Variants in SLC66A2 observed in about 807,000 individuals in gnomAD.
The protein encoded by SLC66A2 is solute carrier family 66 member 2, also known as PQ loop repeat containing 1.
Under a neutral mutation model 25.5 loss-of-function variants are expected in SLC66A2, and 23 were observed. The observed-to-expected ratio is 0.90, with a 90% CI of 0.65 to 1.28. The LOEUF (loss-of-function observed/expected upper bound fraction) is 1.28, where lower values mean the gene tolerates loss of function less well. Among genes scored for constraint, SLC66A2 ranks in the 50% most tolerant of loss-of-function variants. SLC66A2 has a pLI of 0.00. For synonymous variants in SLC66A2, 193 were observed against 166.5 expected (o/e 1.16, Z -1.23); for missense variants, 396 against 373.1 (o/e 1.06, Z -0.51).
intron 4 of SLC66A2, among the ~76,000 whole-genome samples, chr18:79,922,479 A>G (rs909330489): frequency 6.6e-6 from 1 of 152,050 alleles, no homozygotes; most frequent in South Asian, 2.1e-4. Context: ...CTGGGGATTC[A>G]ACGAGTTGAT....
chr18:79,928,559 T>C (rs377466448), intron 4 of SLC66A2, among the ~76,000 whole-genome samples: 1 of 152,018 alleles, frequency 6.6e-6, no homozygotes, highest in South Asian at 2.1e-4. Flanking sequence ...TAACGTGTCT[T>C]AGGGACACAC....
chr18:79,947,266 C>T (rs2057977801), intron 2 of SLC66A2: 2 of 152,248 alleles, frequency 1.3e-5, no homozygotes, highest in East Asian at 3.9e-4. Flanking sequence ...CTGGCACCAA[C>T]CTGCCAAATC....
chr18:79,912,892 C>G (rs1983448679), intron 5 of SLC66A2, among the ~76,000 whole-genome samples: 1 of 152,184 alleles, frequency 6.6e-6, no homozygotes, highest in African/African-American at 2.4e-5. Context: ...ACCACAGGGG[C>G]CTGCTCTGCA....
Position 79,940,536 on chromosome 18 carries a change from A to C in SLC66A2, c.337+2793T>G, listed in dbSNP as rs373327352. Among the ~76,000 whole-genome samples, 15 of 151,886 alleles carry C rather than the reference A, an allele frequency of 9.9e-5. No homozygotes were observed. The highest frequency in any genetic ancestry group is 3.6e-4 in the African/African-American group (15 of 41,358). The stretch of plus-strand genomic sequence containing the variant: ...TGTTCAGAGCCAACAACCTTCCCTT[A>C]AAGGTGACGCCGCTGACAGGAAGAC... On this transcript the variant is annotated intron_variant, in intron 3 of 5. Coordinates refer to ENST00000397778, the MANE Select transcript of SLC66A2 (RefSeq NM_025078.5). This position sits in a 1 kb window ranked among gnomAD's most constrained non-coding sequence, Gnocchi z 4.1.
At chr18:79,950,699 C>A in intron 2 of SLC66A2, 25 bp downstream of exon 2, 2 of 1,611,594 alleles carry the variant, frequency 1.2e-6, no homozygotes, top group Non-Finnish European at 1.7e-6. Flanking sequence ...CGGGTGCAGC[C>A]CAGGAAAGCA....
At position 79,919,369 on chromosome 18, in the gene SLC66A2, G is replaced by A; in HGVS notation, c.423C>T (p.Ser141=). The change falls in exon 5 of 6, where the codon AGC becomes AGT. Residue 141 remains serine, a synonymous_variant. Coordinates refer to ENST00000397778, the MANE Select transcript of SLC66A2 (RefSeq NM_025078.5). ...CGCACTGCACGTAGTCCGAGAAGCT[G>A]CTCCACTGCCAGAAGTGGTGGGGGT... The part of the protein sequence containing the change: ...DFDPHHFWQW[S]SFSDYVQCVL... 6.2e-7 allele frequency: 1 copy of A among 1,613,210 alleles called. No homozygotes were observed. The highest frequency in any genetic ancestry group is 8.5e-7 in the Non-Finnish European group (1 of 1,180,026).
At chr18:79,950,588 C>A in intron 2 of SLC66A2, 136 bp downstream of exon 2, 2 of 765,658 alleles carry the variant, frequency 2.6e-6, no homozygotes, top group Non-Finnish European at 4.4e-6. Flanking sequence ...CAGCCACGTA[C>A]CCCATCCACG....
intron 5 of SLC66A2, among the ~76,000 whole-genome samples, chr18:79,914,570 C>CCAT (rs72528507): frequency 6.6e-6 from 1 of 150,664 alleles, no homozygotes. Flanking sequence ...GGGAGAGACA[C>CCAT]CCCCTTGCCC....
At chr18:79,929,993 T>C (rs951008687) in intron 4 of SLC66A2, among the ~76,000 whole-genome samples, 2 of 152,002 alleles carry the variant, frequency 1.3e-5, no homozygotes, top group Admixed American at 1.3e-4. Context: ...ACATGCAGAA[T>C]GGGTGAGATT....
At chr18:79,929,687 T>C (rs1466926610) in intron 4 of SLC66A2, among the ~76,000 whole-genome samples, 2 of 151,802 alleles carry the variant, frequency 1.3e-5, no homozygotes, top group Non-Finnish European at 2.9e-5. Flanking sequence ...AAGGGATCCA[T>C]GCATAAAGAA....
intron 5 of SLC66A2, among the ~76,000 whole-genome samples, chr18:79,909,394 T>A (rs547063445): frequency 6.6e-6 from 1 of 152,070 alleles, no homozygotes; most frequent in South Asian, 2.1e-4. Context: ...GTGTCCCCAG[T>A]CTTCCTCACC....
At chr18:79,938,038 G>C (rs923705939) in intron 3 of SLC66A2, among the ~76,000 whole-genome samples, 6 of 151,976 alleles carry the variant, frequency 3.9e-5, no homozygotes, top group African/African-American at 1.5e-4. Context: ...CGCTTTGGGA[G>C]GCTGAGGTGG....
intron 5 of SLC66A2, 72 bp downstream of exon 5, chr18:79,919,112 A>AT: frequency 7.2e-7 from 1 of 1,386,220 alleles, no homozygotes; most frequent in South Asian, 1.2e-5. Context: ...CAGGCGTTTG[A>AT]TTTTTACCAA....
chr18:79,908,463 C>T (rs549583235), intron 5 of SLC66A2, among the ~76,000 whole-genome samples: 12 of 152,194 alleles, frequency 7.9e-5, no homozygotes, highest in South Asian at 2.1e-4. Context: ...TAACTGCTTT[C>T]GACATTTTTT....
intron 5 of SLC66A2, among the ~76,000 whole-genome samples, chr18:79,909,550 A>AC (rs1215911381): frequency 2.3e-5 from 3 of 131,180 alleles, no homozygotes. Flanking sequence ...AACCTTCCCC[A>AC]CACCCTCACC....
intron 2 of SLC66A2, 108 bp from the exon 3 acceptor site, chr18:79,943,570 GC>G: frequency 7.6e-7 from 1 of 1,320,292 alleles, no homozygotes; most frequent in Non-Finnish European, 1.0e-6. Context: ...CACCCACGCC[GC>G]CCCTCCCAGT....
chr18:79,951,082 C>A, intron 1 of SLC66A2, 57 bp from the exon 2 acceptor site: 3 of 436,614 alleles, frequency 6.9e-6, no homozygotes, highest in Non-Finnish European at 1.1e-5. Flanking sequence ...GCGGCGCGCA[C>A]GGACCCGACC....
At chr18:79,938,229 G>A (rs1568330358) in intron 3 of SLC66A2, among the ~76,000 whole-genome samples, 1 of 152,138 alleles carries the variant, frequency 6.6e-6, no homozygotes, top group Non-Finnish European at 1.5e-5. Context: ...TCACCCTCGG[G>A]ACTTTATGCC....
intron 4 of SLC66A2, among the ~76,000 whole-genome samples, chr18:79,924,274 T>C (rs183632687): frequency 9.9e-5 from 15 of 152,152 alleles, no homozygotes; most frequent in African/African-American, 3.6e-4. Flanking sequence ...AAGGGCAGAT[T>C]CATGCAACAA....
Sources: allele counts gnomAD v4.1 joint callset (sites outside exome capture counted in the v4.1 genomes callset), GRCh38; gene constraint gnomAD v4.1.1; non-coding constraint Gnocchi (gnomAD v3.1); transcripts MANE v1.5; gene names NCBI Gene and HGNC (gene_info 2026-07-23, HGNC 2026-07-21).